Variants in PCDH11X observed in about 807,000 individuals in gnomAD.
PCDH11X encodes the protein protocadherin-11 X-linked.
A neutral mutation model predicts 53.3 loss-of-function variants in PCDH11X; 18 were observed. The observed-to-expected ratio is 0.34, with a 90% CI of 0.23 to 0.50. The LOEUF (loss-of-function observed/expected upper bound fraction) is 0.50, where lower values mean the gene tolerates loss of function less well. Among genes scored for constraint, PCDH11X ranks in the 20% least tolerant of loss-of-function variants. The pLI, the probability that PCDH11X is intolerant of heterozygous loss-of-function variation, is 0.98. For missense variants in PCDH11X, 570 were observed against 1,032.4 expected (o/e 0.55, Z 6.14); for synonymous variants, 279 against 393.3 (o/e 0.71, Z 3.44).
intron 6 of PCDH11X, among the ~76,000 whole-genome samples, chrX:92,066,855 G>A (rs892624140): frequency 8.9e-6 from 1 of 112,393 alleles, no homozygotes; most frequent in African/African-American, 3.2e-5. Context: ...TGTAATCCCA[G>A]CACTTTGGGA....
At chrX:92,185,791 G>T (rs1204712702) in intron 6 of PCDH11X, among the ~76,000 whole-genome samples, 2 of 106,896 alleles carry the variant, frequency 1.9e-5, no homozygotes, top group African/African-American at 7.0e-5. Context: ...ATCACAATGA[G>T]AAATAATTTT....
chrX:92,230,565 A>G (rs2067056339), intron 7 of PCDH11X, among the ~76,000 whole-genome samples: 1 of 95,319 alleles, frequency 1.0e-5, no homozygotes, highest in Admixed American at 1.3e-4. Context: ...TATATAAAAT[A>G]CATATATAAT....
intron 6 of PCDH11X, among the ~76,000 whole-genome samples, chrX:92,154,491 C>T (rs1432103845): frequency 9.4e-6 from 1 of 106,394 alleles, no homozygotes; most frequent in Non-Finnish European, 1.9e-5. Flanking sequence ...GGCTAGGGCT[C>T]CACCCCAAAG....
intron 6 of PCDH11X, among the ~76,000 whole-genome samples, chrX:92,055,666 T>A (rs1472117093): frequency 9.4e-6 from 1 of 106,658 alleles, no homozygotes; most frequent in Admixed American, 9.8e-5. Flanking sequence ...ACCCAGATAG[T>A]AAGCCTAGTA....
intron 7 of PCDH11X, among the ~76,000 whole-genome samples, chrX:92,212,506 A>T (rs1483664005): frequency 9.0e-6 from 1 of 110,556 alleles, no homozygotes; most frequent in East Asian, 2.9e-4. Context: ...GTGTGCCACC[A>T]TGCCTGGCTA....
At chrX:92,237,389 G>A (rs2067191247) in intron 7 of PCDH11X, among the ~76,000 whole-genome samples, 1 of 109,539 alleles carries the variant, frequency 9.1e-6, no homozygotes, top group South Asian at 3.9e-4. Context: ...TCCTTTTTTG[G>A]CATTTAATCA....
At chrX:92,238,160 T>TA (rs1280929077) in intron 7 of PCDH11X, among the ~76,000 whole-genome samples, 1 of 111,917 alleles carries the variant, frequency 8.9e-6, no homozygotes, top group Non-Finnish European at 1.9e-5. Context: ...GTTTGAAAAC[T>TA]AAAAAAACTT....
At chrX:91,868,316 C>T (rs1404200151) in intron 5 of PCDH11X, among the ~76,000 whole-genome samples, 1 of 111,942 alleles carries the variant, frequency 8.9e-6, no homozygotes, top group Non-Finnish European at 1.9e-5. Context: ...AAACTTCTCT[C>T]ACCAAAATTT....
chrX:92,035,791 G>A (rs3903795), intron 6 of PCDH11X, among the ~76,000 whole-genome samples: 421 of 7,522 alleles, frequency 0.056, 20 homozygotes, highest in East Asian at 0.21. Context: ...GTGCCCTTTC[G>A]AGGTTATTAC....
intron 8 of PCDH11X, among the ~76,000 whole-genome samples, chrX:92,386,126 A>G (rs2071006904): frequency 9.0e-6 from 1 of 111,468 alleles, no homozygotes; most frequent in South Asian, 3.7e-4. Context: ...ATTTTCTCCT[A>G]TTTTATTGAG....
intron 10 of PCDH11X, among the ~76,000 whole-genome samples, chrX:92,535,395 A>G (rs1255707974): frequency 1.8e-5 from 2 of 111,416 alleles, no homozygotes; most frequent in Non-Finnish European, 3.8e-5. Flanking sequence ...GCCGGAGGCC[A>G]TTATCCTTAG....
intron 4 of PCDH11X, among the ~76,000 whole-genome samples, chrX:91,827,043 C>T (rs1936949083): frequency 9.0e-6 from 1 of 111,322 alleles, no homozygotes; most frequent in Non-Finnish European, 1.9e-5. Context: ...CACTATGCTG[C>T]TTCCCACTAT....
At chrX:92,132,318 A>G (rs1394745078) in intron 6 of PCDH11X, among the ~76,000 whole-genome samples, 1 of 84,388 alleles carries the variant, frequency 1.2e-5, no homozygotes, top group Non-Finnish European at 2.2e-5. Flanking sequence ...AAAAAAAAAA[A>G]AAAAAAGCCA....
At chrX:92,224,434 A>T (rs1293892932) in intron 7 of PCDH11X, among the ~76,000 whole-genome samples, 3 of 111,777 alleles carry the variant, frequency 2.7e-5, no homozygotes, top group Non-Finnish European at 5.6e-5. Context: ...TGGCCTGAGG[A>T]TGCCTCCGTA....
Position 91,879,210 on chromosome X carries a change from C to T in PCDH11X, c.2970C>T (p.Ser990=). ...CCTCAAGCAGTTCAGATCCCTACAGCGTTTCTGACTGTGGCTATCCAGTGA... is the reference window on the plus strand; with the variant it reads ...CCTCAAGCAGTTCAGATCCCTACAGTGTTTCTGACTGTGGCTATCCAGTGA... ...KCSSSSSDPY[S]VSDCGYPVTT... is the part of the protein sequence containing the mutation. The change falls in exon 6 of 11, where the codon AGC becomes AGT. Residue 990 remains serine (S), a synonymous_variant. Coordinates refer to ENST00000682573, the MANE Select transcript of PCDH11X (RefSeq NM_032968.5). 5 of 1,211,861 alleles carry T rather than the reference C, an allele frequency of 4.1e-6. No individual in the cohort carries two copies. Among genetic ancestry groups the T allele is most frequent in the East Asian group, 5.9e-5 (2 of 33,843 alleles).
At chrX:92,245,992 C>A (rs1297280853) in intron 7 of PCDH11X, among the ~76,000 whole-genome samples, 1 of 111,504 alleles carries the variant, frequency 9.0e-6, no homozygotes, top group Non-Finnish European at 1.9e-5. Flanking sequence ...TAGTATAAAT[C>A]TAATTGTAAA....
At chrX:92,308,091 A>C (rs1287862062) in intron 8 of PCDH11X, among the ~76,000 whole-genome samples, 1 of 103,389 alleles carries the variant, frequency 9.7e-6, no homozygotes, top group Non-Finnish European at 2.0e-5. Flanking sequence ...AAAGCTGTCT[A>C]CATATTCAGT....
chrX:92,576,620 A>G (rs965608189), intron 10 of PCDH11X, among the ~76,000 whole-genome samples: 3 of 109,221 alleles, frequency 2.7e-5, no homozygotes, highest in African/African-American at 1.0e-4. Context: ...ATATCATCCT[A>G]TAAGTGATTA....
intron 6 of PCDH11X, among the ~76,000 whole-genome samples, chrX:92,013,968 C>A (rs2062742613): frequency 9.0e-6 from 1 of 111,612 alleles, no homozygotes; most frequent in Non-Finnish European, 1.9e-5. Context: ...AGGACATAGG[C>A]ATGGGCAAGG....
Sources: allele counts gnomAD v4.1 joint callset (sites outside exome capture counted in the v4.1 genomes callset), GRCh38; gene constraint gnomAD v4.1.1; transcripts MANE v1.5; gene names NCBI Gene and HGNC (gene_info 2026-07-23, HGNC 2026-07-21).